The following GDNF variants were observed in gnomAD, a reference collection of about 807,000 sequenced individuals.
The protein encoded by GDNF is glial cell line-derived neurotrophic factor.
A neutral mutation model predicts 13.7 loss-of-function variants in GDNF; 5 were observed. That is an observed-to-expected ratio of 0.36 (90% confidence interval 0.19 to 0.77). The LOEUF is 0.77. Ranked by LOEUF, GDNF falls within the 30% of genes least tolerant of loss-of-function variation. The pLI, the probability that GDNF is intolerant of heterozygous loss-of-function variation, is 0.51. For missense variants in GDNF, 246 were observed against 274.3 expected (o/e 0.90, Z 0.73); for synonymous variants, 122 against 112.5 (o/e 1.08, Z -0.53).
chr5:37,825,266 C>G (rs1750268776), intron 2 of GDNF, among the ~76,000 whole-genome samples: 1 of 152,182 alleles, frequency 6.6e-6, no homozygotes, highest in South Asian at 2.1e-4. Flanking sequence ...CAGTAAATTC[C>G]TTTGTTACTC....
chr5:37,834,480 T>C (rs1046780210), intron 2 of GDNF, among the ~76,000 whole-genome samples, 166 bp downstream of exon 2: 2 of 151,892 alleles, frequency 1.3e-5, no homozygotes. Context: ...CGGGCAGCAG[T>C]GGGCAGCCAG....
At chr5:37,818,727 C>T (rs540637300) in intron 2 of GDNF, among the ~76,000 whole-genome samples, 8 of 152,272 alleles carry the variant, frequency 5.3e-5, no homozygotes, top group Non-Finnish European at 8.8e-5. Context: ...TCTGCCTGGA[C>T]CCTTGGCCTA....
intron 2 of GDNF, among the ~76,000 whole-genome samples, chr5:37,818,669 T>C (rs1459611654): frequency 6.6e-6 from 1 of 152,186 alleles, no homozygotes; most frequent in African/African-American, 2.4e-5. Flanking sequence ...TTGAGAACTA[T>C]AGCTTAAACA....
chr5:37,832,235 A>T (rs1377915470), intron 2 of GDNF, among the ~76,000 whole-genome samples: 1 of 152,228 alleles, frequency 6.6e-6, no homozygotes, highest in Non-Finnish European at 1.5e-5. Flanking sequence ...AATTTATGAT[A>T]CTTTCTATTT....
At chr5:37,816,199 GA>G (rs1749925641) in intron 2 of GDNF, 64 bp from the exon 3 acceptor site, 2 of 1,565,648 alleles carry the variant, frequency 1.3e-6, no homozygotes, top group Non-Finnish European at 8.7e-7. Flanking sequence ...CCGTCTTCAA[GA>G]TCAAAGTGCC....
intron 1 of GDNF, among the ~76,000 whole-genome samples, chr5:37,836,420 T>C (rs983532879): frequency 5.3e-5 from 8 of 152,010 alleles, no homozygotes; most frequent in Admixed American, 2.6e-4. Flanking sequence ...GCATTTTACA[T>C]CTCCTGAGCG....
At chr5:37,828,218 G>A (rs1750396601) in intron 2 of GDNF, among the ~76,000 whole-genome samples, 1 of 152,186 alleles carries the variant, frequency 6.6e-6, no homozygotes, top group Non-Finnish European at 1.5e-5. Flanking sequence ...CTCCCACAAG[G>A]CCTCCCGAAT....
chr5:37,838,959 T>C lies in GDNF; in HGVS notation c.-27+548A>G, dbSNP rs1004228318. On this transcript the variant is annotated intron_variant, in intron 1 of 2. Transcript: ENST00000326524. The surrounding 1 kb of genome is among the most constrained non-coding windows in gnomAD (Gnocchi z 4.1). ...CGTGCAGGCAACCGGGTGAGGAATG[T>C]AGCTTTGCCAGACCTCGCCCGGAGG... 2.6e-5 allele frequency among the ~76,000 whole-genome samples: 4 copies of C among 152,158 alleles called. No homozygotes were observed. In the South Asian group the frequency reaches 6.2e-4, roughly 24 times the overall value.
rs892496750 is a variant in GDNF at position 37,837,356 on chromosome 5, G to T, written c.-27+2151C>A. Reference sequence around the variant, plus strand: ...AGTGACGGGGGCTCTGCTCTGCCAGGTGACCGCGCACCATTTCTCGTGCCT... The same window carrying T: ...AGTGACGGGGGCTCTGCTCTGCCAGTTGACCGCGCACCATTTCTCGTGCCT... On this transcript the variant is annotated intron_variant, in intron 1 of 2. Coordinates refer to ENST00000326524, the MANE Select transcript of GDNF (RefSeq NM_000514.4). The surrounding 1 kb of genome is among the most constrained non-coding windows in gnomAD (Gnocchi z 6.5). Among the ~76,000 whole-genome samples, 1 of 152,176 alleles carries T rather than the reference G, an allele frequency of 6.6e-6. No individual in the cohort carries two copies. Among genetic ancestry groups the T allele is most frequent in the Non-Finnish European group, 1.5e-5 (1 of 68,040 alleles).
chr5:37,820,561 C>T (rs1343082837), intron 2 of GDNF, among the ~76,000 whole-genome samples: 1 of 152,114 alleles, frequency 6.6e-6, no homozygotes, highest in African/African-American at 2.4e-5. Context: ...CAAGAGTGAA[C>T]CCCAATGTCA....
rs187945845 is a variant in GDNF, at chr5:37,822,042, C to A, written c.152-5907G>T. 2.7e-3 allele frequency among the ~76,000 whole-genome samples: 404 copies of A among 152,312 alleles called. 1 individual carries two copies. The highest frequency in any genetic ancestry group is 9.4e-3 in the African/African-American group (391 of 41,574). On this transcript the variant is annotated intron_variant, in intron 2 of 2. Coordinates refer to ENST00000326524, the MANE Select transcript of GDNF (RefSeq NM_000514.4). ...TGGCCAGGCAGGGAGTCTAAGCTGACTTTCATTCTAAGTCATCCTAAGTCC... is the reference window on the plus strand; with the variant it reads ...TGGCCAGGCAGGGAGTCTAAGCTGAATTTCATTCTAAGTCATCCTAAGTCC...
chr5:37,826,199 T>C (rs1192885605), intron 2 of GDNF, among the ~76,000 whole-genome samples: 2 of 152,194 alleles, frequency 1.3e-5, no homozygotes, highest in Non-Finnish European at 2.9e-5. Context: ...AGTCACACCT[T>C]TACCTTCAGG....
chr5:37,835,691 C>A (rs1418644813), intron 1 of GDNF: 1 of 1,544,158 alleles, frequency 6.5e-7, no homozygotes, highest in African/African-American at 1.4e-5. Flanking sequence ...CCGTGGTATA[C>A]CCGAAAACCC....
In GDNF at chr5:37,812,815, C is replaced by T. The variant is rs1426512146; in HGVS notation, c.*2836G>A. ...TCAGAACTTCCAAACAAGTGCACTC[C>T]TTACGGTATCAGATGGTGATCGCAA... On this transcript the variant is annotated 3_prime_UTR_variant, in exon 3 of 3. Transcript: ENST00000326524. The T allele has an allele frequency of 7.3e-6, 1 of 137,452 alleles. No homozygotes were observed. Among genetic ancestry groups the T allele is most frequent in the Non-Finnish European group, 1.7e-5 (1 of 58,378 alleles). The allele number at this position is 137,452 out of a possible 1,614,324, so 8.5% of individuals were successfully genotyped here. A position where few individuals can be genotyped will look rare whatever the true frequency, so the allele number is the denominator to read the frequency against.
chr5:37,817,353 T>C (rs192174518), intron 2 of GDNF, among the ~76,000 whole-genome samples: 1 of 152,150 alleles, frequency 6.6e-6, no homozygotes, highest in Non-Finnish European at 1.5e-5. Flanking sequence ...TATGCCCCCC[T>C]CACCTCATTT....
chr5:37,817,310 T>C (rs1749968428), intron 2 of GDNF, among the ~76,000 whole-genome samples: 1 of 152,154 alleles, frequency 6.6e-6, no homozygotes, highest in Admixed American at 6.5e-5. Flanking sequence ...GGAAAAACAA[T>C]CCAAACACCT....
chr5:37,822,189 G>A (rs984986330), intron 2 of GDNF, among the ~76,000 whole-genome samples: 4 of 152,208 alleles, frequency 2.6e-5, no homozygotes, highest in African/African-American at 9.6e-5. Flanking sequence ...GGACCCAGGA[G>A]AGAGGGGGCC....
At position 37,815,447 on chromosome 5, in the gene GDNF, T is replaced by C. The variant is rs1013591730; in HGVS notation, c.*204A>G. On this transcript the variant is annotated 3_prime_UTR_variant, in exon 3 of 3. Transcript: ENST00000326524. This position sits in a 1 kb window ranked among gnomAD's most constrained non-coding sequence, Gnocchi z 5.0. Reference sequence around the variant, plus strand: ...TCTCTCTCTCCTGTCCAGTTGTCTGTAGCTGGATCTCCCTCTACCAGGCTC... The same window carrying C: ...TCTCTCTCTCCTGTCCAGTTGTCTGCAGCTGGATCTCCCTCTACCAGGCTC... 3 of 624,458 alleles carry C rather than the reference T, an allele frequency of 4.8e-6. No homozygotes were observed. The highest frequency in any genetic ancestry group is 8.6e-6 in the Non-Finnish European group (3 of 349,578). The allele number at this position is 624,458 out of a possible 1,614,324, so 38.7% of individuals were successfully genotyped here.
At chr5:37,834,902 CT>C (rs1378004865) in intron 1 of GDNF, 80 bp from the exon 2 acceptor site, 1 of 1,294,420 alleles carries the variant, frequency 7.7e-7, no homozygotes, top group Non-Finnish European at 1.1e-6. Flanking sequence ...CCCTGCGCCC[CT>C]CTCCAACCTC....
Sources: gnomAD v4.1 joint callset for allele counts (sites outside exome capture counted in the v4.1 genomes callset) on GRCh38, gnomAD v4.1.1 for gene constraint, Gnocchi (gnomAD v3.1) non-coding constraint, MANE v1.5 for transcripts, NCBI Gene and HGNC (gene_info 2026-07-23, HGNC 2026-07-21) for gene names.